CCER2: variants seen among roughly 807,000 people sequenced by gnomAD.
CCER2 encodes coiled-coil glutamate rich protein 2.
In CCER2, 20 loss-of-function variants were observed where a neutral mutation model predicts 27.1. That is an observed-to-expected ratio of 0.74 (90% confidence interval 0.52 to 1.07). The LOEUF is 1.07. Ranked by LOEUF, CCER2 falls within the 50% of genes least tolerant of loss-of-function variation. The pLI, the probability that CCER2 is intolerant of heterozygous loss-of-function variation, is 0.00. For synonymous variants in CCER2, 140 were observed against 144.3 expected (o/e 0.97, Z 0.21); for missense variants, 351 against 344.7 (o/e 1.02, Z -0.14).
rs1157444738 is a variant in CCER2 at position 38,909,090 on chromosome 19, C to T, written c.*146G>A. ...CAGCCCCCGGCCCAGCTCAGACTCA[C>T]CTCCTTGGGTGTGGTTCCAAGGCAC... On this transcript the variant is annotated 3_prime_UTR_variant, in exon 5 of 5. Transcript: ENST00000571838. 5 of 1,015,658 alleles carry T rather than the reference C, an allele frequency of 4.9e-6. No individual in the cohort carries two copies. The highest frequency in any genetic ancestry group is 1.6e-5 in the African/African-American group (1 of 62,172). The allele number at this position is 1,015,658 out of a possible 1,614,324, so 62.9% of individuals were successfully genotyped here.
At position 38,909,278 on chromosome 19, in the gene CCER2, CT is replaced by C; in HGVS notation, c.758del (p.Lys253ArgfsTer2). 7 of 1,533,316 alleles carry C rather than the reference CT, an allele frequency of 4.6e-6. No individual in the cohort carries two copies. The highest frequency in any genetic ancestry group is 6.1e-6 in the Non-Finnish European group (7 of 1,145,024). 95.0% of individuals were successfully genotyped at this position (1,533,316 alleles called of 1,614,324 possible). A position where few individuals can be genotyped will look rare whatever the true frequency, so the allele number is the denominator to read the frequency against. On this transcript the variant is annotated frameshift_variant, in exon 5 of 5. Coordinates refer to ENST00000571838, the MANE Select transcript of CCER2 (RefSeq NM_001243212.2). LOFTEE classifies it high-confidence loss of function. ...GCTGCTCCCCCAGCGTCTCTGTCAC[CT>C]TCTTCAGTTCGTCTCTCAAGTGCTC... ...QLEHLRDELK[K>X]VTETLGEQLR...
intron 4 of CCER2, among the ~76,000 whole-genome samples, chr19:38,909,775 T>C (rs371606019): frequency 1.3e-5 from 2 of 152,044 alleles, no homozygotes; most frequent in Non-Finnish European, 1.5e-5. Context: ...GGTTTCACCA[T>C]GTTGGCCAGG....
chr19:38,911,497 G>A (rs1239220720), intron 3 of CCER2, 69 bp downstream of exon 3: 4 of 1,336,542 alleles, frequency 3.0e-6, no homozygotes, highest in African/African-American at 1.4e-5. Flanking sequence ...ACCTGGGCAG[G>A]ACCCTGGGTG....
Position 38,910,877 on chromosome 19 carries a change from C to T in CCER2, c.397G>A (p.Glu133Lys). ...RMQGHRQLHQEEDEEEEKEER... is the reference protein window; with the variant it reads ...RMQGHRQLHQKEDEEEEKEER... ...TCCTTCTCCTCCTCCTCGTCCTCCT[C>T]CTGGTGGAGCTGGCGATGCCCTTGC... The change falls in exon 4 of 5, where the codon GAG (glutamate) becomes AAG (lysine). Residue 133 changes from glutamate (E) to lysine (K), a missense_variant. By Grantham distance (56) the Glu-to-Lys change is moderately conservative. Transcript: ENST00000571838. 6.6e-7 allele frequency: 1 copy of T among 1,519,500 alleles called. No individual in the cohort carries two copies. The highest frequency in any genetic ancestry group is 8.8e-7 in the Non-Finnish European group (1 of 1,138,490). The allele number at this position is 1,519,500 out of a possible 1,614,324, so 94.1% of individuals were successfully genotyped here.
chr19:38,911,409 C>T (rs1974305778), intron 3 of CCER2, among the ~76,000 whole-genome samples, 157 bp downstream of exon 3: 1 of 152,210 alleles, frequency 6.6e-6, no homozygotes, highest in Non-Finnish European at 1.5e-5. Flanking sequence ...CTGGGCAGTG[C>T]CCCGCTGGTC....
chr19:38,911,068 T>C lies in CCER2; in HGVS notation c.206A>G (p.Glu69Gly). 2 of 1,447,326 alleles carry C rather than the reference T, an allele frequency of 1.4e-6. No homozygotes were observed. The highest frequency in any genetic ancestry group is 2.9e-5 in the South Asian group (2 of 68,562). The allele number at this position is 1,447,326 out of a possible 1,614,324, so 89.7% of individuals were successfully genotyped here. A position where few individuals can be genotyped will look rare whatever the true frequency, so the allele number is the denominator to read the frequency against. ...CTCGGTGGACGCACAGCCGTGGGGC[T>C]CTGTCCCGCACAACTCTGGCAGAAA... ...ALLHKELCGT[E>G]PHGCASTEEK... Residue 69 changes from glutamate (E) to glycine (G), a missense_variant, in exon 4 of 5, where the codon GAG (glutamate) becomes GGG (glycine). By Grantham distance (98) the Glu-to-Gly change is moderately conservative (BLOSUM62 -2). Coordinates refer to ENST00000571838, the MANE Select transcript of CCER2 (RefSeq NM_001243212.2).
intron 3 of CCER2, 21 bp from the exon 4 acceptor site, chr19:38,911,104 A>G (rs998916162): frequency 6.4e-6 from 9 of 1,401,364 alleles, no homozygotes; most frequent in African/African-American, 2.9e-5. Flanking sequence ...GGGAAAGGAC[A>G]CTCTCTAAGC....
rs1290810026 is a variant in CCER2 at position 38,911,054 on chromosome 19, CACAGCCGT to C, written c.212_219del (p.His71ArgfsTer30). The C allele has an allele frequency of 4.8e-6, 7 of 1,463,038 alleles. No homozygotes were observed. The East Asian group carries it at 1.5e-4, about 31-fold the overall frequency. 90.6% of individuals were successfully genotyped at this position (1,463,038 alleles called of 1,614,324 possible). On this transcript the variant is annotated frameshift_variant, in exon 4 of 5. Coordinates refer to ENST00000571838, the MANE Select transcript of CCER2 (RefSeq NM_001243212.2). LOFTEE classifies it high-confidence loss of function. Reference sequence around the variant, plus strand: ...AGCAGGCCTTTCTCCTCGGTGGACGCACAGCCGTGGGGCTCTGTCCCGCACAACTCTGG... The same window carrying C: ...AGCAGGCCTTTCTCCTCGGTGGACGCGGGGCTCTGTCCCGCACAACTCTGG...
In CCER2 at chr19:38,911,549, G is replaced by A. The variant is rs765516922; in HGVS notation, c.190+17C>T. 6.5e-7 allele frequency: 1 copy of A among 1,532,876 alleles called. No homozygotes were observed. The highest frequency in any genetic ancestry group is 1.2e-5 in the South Asian group (1 of 83,984). The allele number at this position is 1,532,876 out of a possible 1,614,324, so 95.0% of individuals were successfully genotyped here. A position where few individuals can be genotyped will look rare whatever the true frequency, so the allele number is the denominator to read the frequency against. On this transcript the variant is annotated intron_variant, in intron 3 of 4. Transcript: ENST00000571838. ...CATGGGGTTGTGGAGGGCAAGTGGGGCCCGGGGCCTCCTTACCCTTGTGGA... is the reference window on the plus strand; with the variant it reads ...CATGGGGTTGTGGAGGGCAAGTGGGACCCGGGGCCTCCTTACCCTTGTGGA...
intron 4 of CCER2, among the ~76,000 whole-genome samples, chr19:38,909,618 G>A (rs569381203): frequency 1.3e-5 from 2 of 152,040 alleles, no homozygotes; most frequent in Non-Finnish European, 2.9e-5. Context: ...TGTCACCCAG[G>A]CTGGGGTACA....
chr19:38,910,501 C>T, intron 4 of CCER2, 62 bp downstream of exon 4: 1 of 1,431,462 alleles, frequency 7.0e-7, no homozygotes. Context: ...TGTGACTCCA[C>T]TGACCATCAT....
intron 4 of CCER2, 51 bp from the exon 5 acceptor site, chr19:38,909,376 A>C (rs1467986876): frequency 2.0e-6 from 3 of 1,493,324 alleles, no homozygotes; most frequent in Non-Finnish European, 1.8e-6. Context: ...AAGGCAGGCC[A>C]CCTCGGTCAC....
rs1249698496 is a variant in CCER2 at position 38,910,806 on chromosome 19, C to T, written c.468G>A (p.Gln156=). ...GPMETFEDLW[Q]RHLENGGDLQ... is the part of the protein sequence containing the mutation. ...GGTCCCCTCCATTCTCTAGATGCCG[C>T]TGCCACAGGTCCTCAAAGGTCTCCA... is the stretch of plus-strand genomic sequence containing the variant. Residue 156 remains glutamine, a synonymous_variant, in exon 4 of 5, where the codon CAG becomes CAA. Coordinates refer to ENST00000571838, the MANE Select transcript of CCER2 (RefSeq NM_001243212.2). 17 of 1,534,796 alleles carry T rather than the reference C, an allele frequency of 1.1e-5. No individual in the cohort carries two copies. Among genetic ancestry groups the T allele is most frequent in the Non-Finnish European group, 1.5e-5 (17 of 1,146,178 alleles).
At chr19:38,909,390 G>T in intron 4 of CCER2, 65 bp from the exon 5 acceptor site, 1 of 1,431,782 alleles carries the variant, frequency 7.0e-7, no homozygotes, top group South Asian at 1.2e-5. Context: ...CGGTCACTGT[G>T]ATTGTGGGCC....
chr19:38,911,219 G>T, intron 3 of CCER2, 136 bp from the exon 4 acceptor site: 1 of 948,364 alleles, frequency 1.1e-6, no homozygotes, highest in Non-Finnish European at 1.5e-6. Flanking sequence ...TTTGAATTGG[G>T]AAACTGAGGC....
In CCER2 at chr19:38,911,075, C is replaced by G. The variant is rs1357982429; in HGVS notation, c.199G>C (p.Gly67Arg). 3.5e-6 allele frequency: 5 copies of G among 1,428,918 alleles called. No individual in the cohort carries two copies. In the East Asian group the frequency reaches 1.3e-4, roughly 36 times the overall value. 88.5% of individuals were successfully genotyped at this position (1,428,918 alleles called of 1,614,324 possible). ...CTALLHKELCGTEPHGCASTE... is the reference protein window; with the variant it reads ...CTALLHKELCRTEPHGCASTE... The stretch of plus-strand genomic sequence containing the variant: ...GACGCACAGCCGTGGGGCTCTGTCC[C>G]GCACAACTCTGGCAGAAAGGGAAAG... The change falls in exon 4 of 5, where the codon GGG becomes CGG. Residue 67 changes from glycine (G) to arginine (R), a missense_variant. Gly to Arg is a moderately radical substitution (Grantham distance 125, BLOSUM62 -2). Transcript: ENST00000571838.
At chr19:38,910,537 T>A in intron 4 of CCER2, 26 bp downstream of exon 4, 10 of 1,450,070 alleles carry the variant, frequency 6.9e-6, no homozygotes, top group Non-Finnish European at 8.2e-6. Flanking sequence ...ACTGTGTTGG[T>A]GTTCCTCCTT....
chr19:38,911,110 T>C, intron 3 of CCER2, 27 bp from the exon 4 acceptor site: 1 of 1,406,176 alleles, frequency 7.1e-7, no homozygotes, highest in South Asian at 1.7e-5. Flanking sequence ...GGACACTCTC[T>C]AAGCATCCAA....
At chr19:38,909,474 T>A in intron 4 of CCER2, 149 bp from the exon 5 acceptor site, 2 of 757,382 alleles carry the variant, frequency 2.6e-6, no homozygotes, top group South Asian at 3.3e-5. Context: ...CCATGCTGAT[T>A]GCCATAACCC....
Sources: gnomAD v4.1 joint callset for allele counts (sites outside exome capture counted in the v4.1 genomes callset) on GRCh38, gnomAD v4.1.1 for gene constraint, MANE v1.5 for transcripts, NCBI Gene and HGNC (gene_info 2026-07-23, HGNC 2026-07-21) for gene names.